The following PLPP3 variants were observed in gnomAD, a reference collection of about 807,000 sequenced individuals.
PLPP3 encodes the protein phospholipid phosphatase 3.
In PLPP3, 6 loss-of-function variants were observed where a neutral mutation model predicts 29.6. The ratio of observed to expected loss-of-function variants is 0.20; its 90% CI spans 0.11 to 0.40. PLPP3 has a LOEUF of 0.40. Among genes scored for constraint, PLPP3 ranks in the 10% least tolerant of loss-of-function variants. The pLI is 1.00. For synonymous variants in PLPP3, 152 were observed against 159.7 expected, an observed-to-expected ratio of 0.95 and a Z score of 0.36; for missense variants, 308 against 407.7, an observed-to-expected ratio of 0.76 and a Z score of 2.11.
At chr1:56,566,784 T>C (rs548212317) in intron 1 of PLPP3, among the ~76,000 whole-genome samples, 140 of 152,348 alleles carry the variant, frequency 9.2e-4, no homozygotes, top group African/African-American at 3.3e-3. Flanking sequence ...GATTTTTTAG[T>C]GCATTTATAG....
In PLPP3 at chr1:56,527,861, G is replaced by C. The variant is rs531854571; in HGVS notation, c.298-3307C>G. ...GAGGCGAAGGCTTAAATTGTTCTCCGACACGTTACACACCTAACTCTCGAG... is the reference window on the plus strand; with the variant it reads ...GAGGCGAAGGCTTAAATTGTTCTCCCACACGTTACACACCTAACTCTCGAG... On this transcript the variant is annotated intron_variant, in intron 2 of 5. Transcript: ENST00000371250. 2.0e-5 allele frequency among the ~76,000 whole-genome samples: 3 copies of C among 152,180 alleles called. No individual in the cohort carries two copies. The South Asian group carries it at 6.2e-4, about 32-fold the overall frequency.
intron 2 of PLPP3, among the ~76,000 whole-genome samples, chr1:56,527,929 G>A (rs919043148): frequency 6.6e-5 from 10 of 152,086 alleles, no homozygotes; most frequent in African/African-American, 1.9e-4. Context: ...TACTCACAAT[G>A]TTTTTATTCC....
At position 56,558,483 on chromosome 1, in the gene PLPP3, T is replaced by C. The variant is rs560408067; in HGVS notation, c.139+20395A>G. 1.9e-4 allele frequency among the ~76,000 whole-genome samples: 29 copies of C among 152,348 alleles called. 1 individual carries two copies. The South Asian group carries it at 6.0e-3, about 32-fold the overall frequency. ...CTAATCCATACTTTGTACTTACACA[T>C]TTTATAAACCCAGGTAGCACTCTCT... On this transcript the variant is annotated intron_variant, in intron 1 of 5. Coordinates refer to ENST00000371250, the MANE Select transcript of PLPP3 (RefSeq NM_003713.5).
At chr1:56,569,373 T>C (rs549948476) in intron 1 of PLPP3, among the ~76,000 whole-genome samples, 1 of 151,328 alleles carries the variant, frequency 6.6e-6, no homozygotes, top group East Asian at 2.0e-4. Flanking sequence ...GGGGTTTCAC[T>C]ATGTTGGCCA....
intron 4 of PLPP3, 87 bp from the exon 5 acceptor site, chr1:56,512,239 T>G: frequency 5.6e-6 from 7 of 1,239,670 alleles, no homozygotes; most frequent in South Asian, 1.7e-5. Flanking sequence ...ACTACATTTC[T>G]ACGAACAGGG....
At chr1:56,505,260 A>C (rs1287654717) in intron 5 of PLPP3, among the ~76,000 whole-genome samples, 1 of 152,210 alleles carries the variant, frequency 6.6e-6, no homozygotes, top group Non-Finnish European at 1.5e-5. Flanking sequence ...CAATCCAAAA[A>C]TCATGTTAGG....
intron 5 of PLPP3, among the ~76,000 whole-genome samples, chr1:56,497,385 T>C (rs540939596): frequency 1.3e-5 from 2 of 152,356 alleles, no homozygotes; most frequent in African/African-American, 4.8e-5. Context: ...GGCACAGGCA[T>C]AGTTCCTGCC....
At chr1:56,514,179 T>C (rs562719609) in intron 4 of PLPP3, among the ~76,000 whole-genome samples, 3 of 151,928 alleles carry the variant, frequency 2.0e-5, no homozygotes, top group Non-Finnish European at 4.4e-5. Flanking sequence ...TACAAGAAAA[T>C]AAATAAGTAT....
In PLPP3 at chr1:56,511,946, C is replaced by T. The variant is rs147642777; in HGVS notation, c.810+30G>A. On this transcript the variant is annotated intron_variant, in intron 5 of 5. Transcript: ENST00000371250. ...TAACAAGCAACAGTCCAGGGCTCCA[C>T]TTGCATATTGAGGACAAGATGCTAC... 1.6e-4 allele frequency: 256 copies of T among 1,611,438 alleles called. 1 individual carries two copies. Among genetic ancestry groups the T allele is most frequent in the Non-Finnish European group, 1.1e-4 (127 of 1,178,154 alleles).
At chr1:56,519,140 ACT>A (rs1236273687) in intron 4 of PLPP3, among the ~76,000 whole-genome samples, 1 of 151,946 alleles carries the variant, frequency 6.6e-6, no homozygotes, top group Non-Finnish European at 1.5e-5. Context: ...GGTATTTTCC[ACT>A]CTCAAGCGTG....
chr1:56,556,995 AAAG>A (rs1202220657), intron 1 of PLPP3, among the ~76,000 whole-genome samples: 1 of 7,748 alleles, frequency 1.3e-4, no homozygotes, highest in Non-Finnish European at 3.5e-4. Context: ...AGAAAGAAAG[AAAG>A]AAAGAAAGAA....
intron 1 of PLPP3, among the ~76,000 whole-genome samples, chr1:56,546,624 T>C (rs1484491517): frequency 1.3e-5 from 2 of 152,182 alleles, no homozygotes; most frequent in Non-Finnish European, 2.9e-5. Context: ...CATTTCTGCA[T>C]TTTAGTTATG....
At chr1:56,523,234 C>T (rs911555211) in intron 4 of PLPP3, among the ~76,000 whole-genome samples, 1 of 152,132 alleles carries the variant, frequency 6.6e-6, no homozygotes, top group African/African-American at 2.4e-5. Flanking sequence ...TAATGATGAT[C>T]CTTAAAGCCC....
rs1553139335 is a variant in PLPP3, at chr1:56,557,022, G to GAGAGAA, written c.140-19911_140-19910insTTCTCT. ...AGAAAGAAAGAAAGAGAGAGAGAGA[G>GAGAGAA]AGAAAGAGAGAGAGAGAGAGAGAGA... On this transcript the variant is annotated intron_variant, in intron 1 of 5. Transcript: ENST00000371250. Among the ~76,000 whole-genome samples the GAGAGAA allele has an allele frequency of 6.7e-3, 87 of 13,048 alleles. 27 individuals carry two copies. Among genetic ancestry groups the GAGAGAA allele is most frequent in the South Asian group, 0.015 (9 of 598 alleles). The allele number at this position is 13,048 out of a possible 152,430, so 8.6% of individuals were successfully genotyped here.
chr1:56,550,448 T>C (rs1472897813), intron 1 of PLPP3, among the ~76,000 whole-genome samples: 1 of 152,198 alleles, frequency 6.6e-6, no homozygotes, highest in Admixed American at 6.5e-5. Context: ...AGCCAGGCCC[T>C]TAATCCTTGC....
chr1:56,576,302 T>C (rs186973551), intron 1 of PLPP3, among the ~76,000 whole-genome samples: 1 of 152,282 alleles, frequency 6.6e-6, no homozygotes, highest in East Asian at 1.9e-4. Context: ...CCAGACCATA[T>C]GATCAATAAA....
At chr1:56,568,975 G>A (rs566640495) in intron 1 of PLPP3, among the ~76,000 whole-genome samples, 150 of 151,614 alleles carry the variant, frequency 9.9e-4, no homozygotes, top group African/African-American at 3.5e-3. Context: ...CAGTACCCTC[G>A]GTTCAGCTTG....
chr1:56,544,098 C>T (rs1318453384), intron 1 of PLPP3, among the ~76,000 whole-genome samples: 3 of 152,176 alleles, frequency 2.0e-5, no homozygotes, highest in Non-Finnish European at 4.4e-5. Flanking sequence ...ACCTGTTTTA[C>T]TTTCACCATG....
intron 5 of PLPP3, among the ~76,000 whole-genome samples, chr1:56,510,121 C>T (rs1645730368): frequency 6.6e-6 from 1 of 152,140 alleles, no homozygotes; most frequent in South Asian, 2.1e-4. Context: ...GTGCAGGGGA[C>T]TCCAATTAGG....
Sources: gnomAD v4.1 joint callset for allele counts (sites outside exome capture counted in the v4.1 genomes callset) on GRCh38, gnomAD v4.1.1 for gene constraint, MANE v1.5 for transcripts, NCBI Gene and HGNC (gene_info 2026-07-23, HGNC 2026-07-21) for gene names.